The following CYP2C18 variants were observed in gnomAD, a reference collection of about 807,000 sequenced individuals.
CYP2C18 encodes the protein cytochrome P450 2C18.
In CYP2C18, 38 loss-of-function variants were observed where a neutral mutation model predicts 41.3. That is an observed-to-expected ratio of 0.92 (90% CI 0.71 to 1.21). The LOEUF is 1.21. Ranked by LOEUF, CYP2C18 falls within the 50% of genes most tolerant of loss-of-function variation. CYP2C18 has a pLI of 0.00. For synonymous variants in CYP2C18, 236 were observed against 210.0 expected (o/e 1.12, Z -1.07); for missense variants, 635 against 591.4 (o/e 1.07, Z -0.77).
intron 3 of CYP2C18, among the ~76,000 whole-genome samples, chr10:94,691,017 G>A (rs1160084372): frequency 2.6e-5 from 4 of 152,094 alleles, no homozygotes; most frequent in Admixed American, 6.6e-5. Flanking sequence ...TTGATAGGAC[G>A]TATCTCAAAA....
rs1438434962 is a variant in CYP2C18 at position 94,695,082 on chromosome 10, G to C, written c.642+5G>C. On this transcript the variant is annotated splice_donor_5th_base_variant and intron_variant, in intron 4 of 8. Coordinates refer to ENST00000285979, the MANE Select transcript of CYP2C18 (RefSeq NM_000772.3). ...CTGAGCTCTCCATGGATCCAGGTGA[G>C]ATCAAGAGCTTCTCTTCCTGAGATA... 6.3e-7 allele frequency: 1 copy of C among 1,593,714 alleles called. No homozygotes were observed. The highest frequency in any genetic ancestry group is 1.4e-5 in the African/African-American group (1 of 73,642).
chr10:94,697,006 G>A (rs1847130542), intron 4 of CYP2C18, among the ~76,000 whole-genome samples: 1 of 152,216 alleles, frequency 6.6e-6, no homozygotes, highest in Non-Finnish European at 1.5e-5. Context: ...ATGTCTGATT[G>A]GTGTACCTGA....
At chr10:94,723,943 A>C (rs1465237551) in intron 6 of CYP2C18, among the ~76,000 whole-genome samples, 1 of 152,156 alleles carries the variant, frequency 6.6e-6, no homozygotes, top group Non-Finnish European at 1.5e-5. Context: ...ACACAAATCC[A>C]TCCATACATA....
chr10:94,728,576 A>C (rs1316205510), intron 7 of CYP2C18: 1 of 916,670 alleles, frequency 1.1e-6, no homozygotes, highest in Non-Finnish European at 1.3e-6. Flanking sequence ...TCTCTGATGA[A>C]GAGTTCCCCC....
At chr10:94,725,709 T>C (rs1447659148) in intron 7 of CYP2C18, among the ~76,000 whole-genome samples, 1 of 152,134 alleles carries the variant, frequency 6.6e-6, no homozygotes, top group Non-Finnish European at 1.5e-5. Flanking sequence ...TCTGCATCAA[T>C]CGATATGGCC....
chr10:94,710,069 AG>A (rs1847410359), intron 5 of CYP2C18, among the ~76,000 whole-genome samples: 1 of 152,066 alleles, frequency 6.6e-6, no homozygotes, highest in Admixed American at 6.6e-5. Flanking sequence ...TCCCGGGCTC[AG>A]GTGATTCTCC....
rs753244773 is a variant in CYP2C18 at position 94,683,909 on chromosome 10, G to T, written c.90G>T (p.Pro30=). The T allele has an allele frequency of 9.9e-6, 16 of 1,611,202 alleles. No homozygotes were observed. The highest frequency in any genetic ancestry group is 3.3e-5 in the South Asian group (3 of 90,278). The change falls in exon 1 of 9, where the codon CCG becomes CCT. Residue 30 remains proline, a synonymous_variant. Transcript: ENST00000285979. ...AGAGCTCTGGAAGAGGGAGGCTCCC[G>T]TCTGGCCCCACTCCTCTCCCGATTA... is the stretch of plus-strand genomic sequence containing the variant. ...WRQSSGRGRL[P]SGPTPLPIIG... is the part of the protein sequence containing the mutation.
rs746021258 is a variant in CYP2C18, at chr10:94,720,407, T to A, written c.831T>A (p.Asn277Lys). ...FLIKMEQEKH[N>K]QQSEFTVESL... is the part of the protein sequence containing the mutation. ...AAATAATTTTTTAGGAAAAGCACAA[T>A]CAACAGTCTGAATTTACTGTTGAAA... is the stretch of plus-strand genomic sequence containing the variant. Residue 277 changes from asparagine (N) to lysine (K), a missense_variant, in exon 6 of 9, where the codon AAT becomes AAA. Asn to Lys is a moderately conservative substitution (Grantham distance 94, BLOSUM62 0). Coordinates refer to ENST00000285979, the MANE Select transcript of CYP2C18 (RefSeq NM_000772.3). The A allele has an allele frequency of 6.2e-7, 1 of 1,607,482 alleles. No individual in the cohort carries two copies. Among genetic ancestry groups the A allele is most frequent in the Non-Finnish European group, 8.5e-7 (1 of 1,177,982 alleles).
chr10:94,688,282 A>T lies in CYP2C18; in HGVS notation c.481+8A>T. The T allele has an allele frequency of 6.3e-7, 1 of 1,583,442 alleles. No individual in the cohort carries two copies. Among genetic ancestry groups the T allele is most frequent in the Non-Finnish European group, 8.5e-7 (1 of 1,170,972 alleles). On this transcript the variant is annotated splice_region_variant and intron_variant, in intron 3 of 8. Coordinates refer to ENST00000285979, the MANE Select transcript of CYP2C18 (RefSeq NM_000772.3). ...AGTTGAGAAAAACCAATGGTGGGTGACTTTTTTTTTTCCTGAAAAATGTTT... is the reference window on the plus strand; with the variant it reads ...AGTTGAGAAAAACCAATGGTGGGTGTCTTTTTTTTTTCCTGAAAAATGTTT...
chr10:94,686,295 C>A (rs1405827430), intron 1 of CYP2C18, among the ~76,000 whole-genome samples: 2 of 152,038 alleles, frequency 1.3e-5, no homozygotes, highest in Non-Finnish European at 2.9e-5. Context: ...GTACTGAAGT[C>A]TTTAGATTTT....
At chr10:94,688,033 C>T in intron 2 of CYP2C18, 92 bp from the exon 3 acceptor site, 1 of 1,598,004 alleles carries the variant, frequency 6.3e-7, no homozygotes, top group Non-Finnish European at 8.5e-7. Context: ...GCTCCTGGGA[C>T]AGAACTTGAC....
chr10:94,714,859 A>G (rs1847511112), intron 5 of CYP2C18, among the ~76,000 whole-genome samples: 1 of 152,154 alleles, frequency 6.6e-6, no homozygotes. Flanking sequence ...TTCATTGAGC[A>G]GTGGTTTGTA....
At chr10:94,690,491 T>C (rs563714936) in intron 3 of CYP2C18, among the ~76,000 whole-genome samples, 130 of 152,190 alleles carry the variant, frequency 8.5e-4, no homozygotes, top group Non-Finnish European at 1.6e-3. Context: ...CAGGAAGAAG[T>C]TGAATCTCTG....
At chr10:94,731,349 C>T (rs1847828923) in intron 7 of CYP2C18, among the ~76,000 whole-genome samples, 1 of 151,352 alleles carries the variant, frequency 6.6e-6, no homozygotes, top group Admixed American at 6.6e-5. Context: ...TATTGTACTC[C>T]AGGCTGGGTG....
At chr10:94,691,255 A>G (rs931806945) in intron 3 of CYP2C18, among the ~76,000 whole-genome samples, 1 of 152,226 alleles carries the variant, frequency 6.6e-6, no homozygotes, top group African/African-American at 2.4e-5. Context: ...AGATAACATG[A>G]TTGTATATCT....
At chr10:94,715,225 A>G (rs1047306669) in intron 5 of CYP2C18, among the ~76,000 whole-genome samples, 2 of 152,034 alleles carry the variant, frequency 1.3e-5, no homozygotes, top group Non-Finnish European at 1.5e-5. Context: ...TGTTGAATAG[A>G]AGTGGTGAGA....
At chr10:94,711,984 G>A (rs1847443035) in intron 5 of CYP2C18, among the ~76,000 whole-genome samples, 1 of 137,488 alleles carries the variant, frequency 7.3e-6, no homozygotes, top group Non-Finnish European at 1.6e-5. Flanking sequence ...TGGGACAACA[G>A]GTGCATGCCA....
rs569980214 is a variant in CYP2C18, at chr10:94,733,449, T to C, written c.1291+11T>C. The C allele has an allele frequency of 1.2e-6, 2 of 1,612,644 alleles. No homozygotes were observed. The highest frequency in any genetic ancestry group is 2.7e-5 in the African/African-American group (2 of 74,826). Reference sequence around the variant, plus strand: ...TGCCTTTCTCAGCAGGTAATAGATATTCATTTCCATCTGTCCTTCAGGGCA... The same window carrying C: ...TGCCTTTCTCAGCAGGTAATAGATACTCATTTCCATCTGTCCTTCAGGGCA... On this transcript the variant is annotated intron_variant, in intron 8 of 8. Coordinates refer to ENST00000285979, the MANE Select transcript of CYP2C18 (RefSeq NM_000772.3).
intron 3 of CYP2C18, among the ~76,000 whole-genome samples, chr10:94,688,816 C>A (rs1846944361): frequency 6.6e-6 from 1 of 152,066 alleles, no homozygotes; most frequent in South Asian, 2.1e-4. Context: ...ATGTTTTTCC[C>A]AAAGTGTAAT....
Sources: allele counts gnomAD v4.1 joint callset (sites outside exome capture counted in the v4.1 genomes callset), GRCh38; gene constraint gnomAD v4.1.1; transcripts MANE v1.5; gene names NCBI Gene and HGNC (gene_info 2026-07-23, HGNC 2026-07-21).